CCDC28A: variants seen among roughly 807,000 people sequenced by gnomAD.
The protein encoded by CCDC28A is coiled-coil domain containing 28A, also known as coiled-coil domain-containing protein 28A.
CCDC28A carries 24 observed loss-of-function variants against 22.1 expected under a neutral mutation model. The observed-to-expected ratio is 1.09, with a 90% CI of 0.79 to 1.53. The LOEUF (loss-of-function observed/expected upper bound fraction) is 1.53, where lower values mean the gene tolerates loss of function less well. Ranked by LOEUF, CCDC28A falls within the 40% of genes most tolerant of loss-of-function variation. The pLI is 0.00. For synonymous variants in CCDC28A, 83 were observed against 74.7 expected (o/e 1.11, Z -0.57); for missense variants, 170 against 210.7 (o/e 0.81, Z 1.20).
rs756347761 is a variant in CCDC28A at position 138,776,192 on chromosome 6, C to CA, written c.80dup (p.Asn27LysfsTer7). 1.2e-5 allele frequency: 19 copies of CA among 1,611,590 alleles called. No individual in the cohort carries two copies. The highest frequency in any genetic ancestry group is 4.5e-5 in the East Asian group (2 of 44,834). ...CCCACTGTACTCAGGTTGTCAATGC[C>CA]AAAAAAAATGCCATTCCAGTGAGTA... On this transcript the variant is annotated frameshift_variant, in exon 2 of 6. Coordinates refer to ENST00000617445, the MANE Select transcript of CCDC28A (RefSeq NM_015439.3). LOFTEE classifies it high-confidence loss of function.
In CCDC28A at chr6:138,773,971, GC is replaced by G. The variant is rs1056908672; in HGVS notation, c.-43+70del. On this transcript the variant is annotated intron_variant, in intron 1 of 5. Coordinates refer to ENST00000617445, the MANE Select transcript of CCDC28A (RefSeq NM_015439.3). Reference sequence around the variant, plus strand: ...GGCCCTTCCCACCACTCTGGTCACTGCTGGGTACTGGGCGGTGAAGGGTCAT... The same window carrying G: ...GGCCCTTCCCACCACTCTGGTCACTGTGGGTACTGGGCGGTGAAGGGTCAT... 1.9e-6 allele frequency: 3 copies of G among 1,570,334 alleles called. No homozygotes were observed. The African/African-American group carries it at 4.0e-5, about 21-fold the overall frequency.
intron 5 of CCDC28A, among the ~76,000 whole-genome samples, chr6:138,790,307 C>T (rs997552381): frequency 1.3e-5 from 2 of 152,072 alleles, no homozygotes; most frequent in Admixed American, 6.6e-5. Flanking sequence ...CCTGTCACCA[C>T]GTCCAGCTAA....
At position 138,776,173 on chromosome 6, in the gene CCDC28A, G is replaced by C. The variant is rs1774929915; in HGVS notation, c.53G>C (p.Cys18Ser). Residue 18 changes from cysteine to serine, a missense_variant, in exon 2 of 6, where the codon TGT becomes TCT. By Grantham distance (112) the Cys-to-Ser change is moderately radical (BLOSUM62 -1). Transcript: ENST00000617445. Reference protein sequence around the residue: ...RRSPKSFSAHCTQVVNAKKNA... With the variant: ...RRSPKSFSAHSTQVVNAKKNA... ...AGTCCTAAGTCTTTTAGTGCCCACT[G>C]TACTCAGGTTGTCAATGCCAAAAAA... 1 of 1,613,794 alleles carries C rather than the reference G, an allele frequency of 6.2e-7. No homozygotes were observed. Among genetic ancestry groups the C allele is most frequent in the South Asian group, 1.1e-5 (1 of 91,082 alleles).
At chr6:138,779,318 A>G (rs556427064) in intron 2 of CCDC28A, among the ~76,000 whole-genome samples, 24 of 152,306 alleles carry the variant, frequency 1.6e-4, no homozygotes, top group Admixed American at 3.9e-4. Flanking sequence ...AGAGGAGTCA[A>G]GGATGATAAC....
Position 138,776,111 on chromosome 6 carries a change from AC to A in CCDC28A, c.-9del, listed in dbSNP as rs1198152416. 6.2e-7 allele frequency: 1 copy of A among 1,614,120 alleles called. No homozygotes were observed. Among genetic ancestry groups the A allele is most frequent in the African/African-American group, 1.3e-5 (1 of 75,032 alleles). ...GAAGCTGGCCGTGGTGCAATAAGGA[AC>A]TTAAAACAATGGAAGAGCGGAAAGT... is the stretch of plus-strand genomic sequence containing the variant. On this transcript the variant is annotated 5_prime_UTR_variant, in exon 2 of 6. Transcript: ENST00000617445.
Position 138,773,787 on chromosome 6 carries a change from G to A in CCDC28A, c.-158G>A. The stretch of plus-strand genomic sequence containing the variant: ...CACTTCCGTAAACAAACGGAGCTGC[G>A]GAGGAGCGGGTCCCGGGATGTGACC... On this transcript the variant is annotated 5_prime_UTR_variant, in exon 1 of 6. Transcript: ENST00000617445. 6.2e-7 allele frequency: 1 copy of A among 1,613,714 alleles called. No individual in the cohort carries two copies.
intron 5 of CCDC28A, among the ~76,000 whole-genome samples, chr6:138,789,731 A>C (rs1775143050): frequency 6.6e-6 from 1 of 152,184 alleles, no homozygotes; most frequent in South Asian, 2.1e-4. Flanking sequence ...AGGCTGAGGC[A>C]GGAGAATTGC....
In CCDC28A at chr6:138,792,730, T is replaced by C. The variant is rs774175651; in HGVS notation, c.501-19T>C. 9 of 1,388,568 alleles carry C rather than the reference T, an allele frequency of 6.5e-6. No individual in the cohort carries two copies. The African/African-American group carries it at 1.2e-4, about 19-fold the overall frequency. The allele number at this position is 1,388,568 out of a possible 1,614,324, so 86.0% of individuals were successfully genotyped here. A position where few individuals can be genotyped will look rare whatever the true frequency, so the allele number is the denominator to read the frequency against. ...AGTACCCCTTATAGAATGAAAATCT[T>C]CTTAACTGATTAATTCAGACAAAAA... On this transcript the variant is annotated intron_variant, in intron 5 of 5. Transcript: ENST00000617445.
At chr6:138,780,909 GC>G (rs1562439347) in intron 3 of CCDC28A, among the ~76,000 whole-genome samples, 1 of 152,072 alleles carries the variant, frequency 6.6e-6, no homozygotes, top group Non-Finnish European at 1.5e-5. Flanking sequence ...TCAATAATAT[GC>G]ATAATCTTTT....
chr6:138,780,242 C>A (rs1200807492), intron 3 of CCDC28A, among the ~76,000 whole-genome samples: 1 of 152,112 alleles, frequency 6.6e-6, no homozygotes, highest in Non-Finnish European at 1.5e-5. Flanking sequence ...AAGTATCTTG[C>A]AAGTTTAACA....
Position 138,773,807 on chromosome 6 carries a change from G to A in CCDC28A, c.-138G>A, listed in dbSNP as rs749153142. On this transcript the variant is annotated 5_prime_UTR_variant, in exon 1 of 6. The change creates a new upstream start codon in the 5' untranslated region. Transcript: ENST00000617445. Reference sequence around the variant, plus strand: ...GCTGCGGAGGAGCGGGTCCCGGGATGTGACCGGGGCTCTGCTTGTGGCTGC... The same window carrying A: ...GCTGCGGAGGAGCGGGTCCCGGGATATGACCGGGGCTCTGCTTGTGGCTGC... 6.8e-6 allele frequency: 11 copies of A among 1,613,964 alleles called. 1 individual carries two copies. Among genetic ancestry groups the A allele is most frequent in the Middle Eastern group, 3.3e-4 (2 of 6,082 alleles).
At chr6:138,792,663 T>A (rs1390723883) in intron 5 of CCDC28A, 86 bp from the exon 6 acceptor site, 13 of 843,906 alleles carry the variant, frequency 1.5e-5, no homozygotes, top group Non-Finnish European at 2.6e-5. Flanking sequence ...TAAATACCGC[T>A]TTCTCTTTGC....
At chr6:138,773,958 C>A in intron 1 of CCDC28A, 56 bp downstream of exon 1, 1 of 1,586,942 alleles carries the variant, frequency 6.3e-7, no homozygotes. Flanking sequence ...CCCTTCCCAC[C>A]ACTCTGGTCA....
rs886159490 is a variant in CCDC28A at position 138,774,003 on chromosome 6, C to G, written c.-43+101C>G. The G allele has an allele frequency of 1.8e-4, 247 of 1,399,248 alleles. 1 individual carries two copies. The Middle Eastern group carries it at 2.5e-3, about 14-fold the overall frequency. The allele number at this position is 1,399,248 out of a possible 1,614,324, so 86.7% of individuals were successfully genotyped here. A position where few individuals can be genotyped will look rare whatever the true frequency, so the allele number is the denominator to read the frequency against. ...ACTGGGCGGTGAAGGGTCATCGCTT[C>G]GGTAGATTGGGGAAGGGGAATGAGG... On this transcript the variant is annotated intron_variant, in intron 1 of 5. Coordinates refer to ENST00000617445, the MANE Select transcript of CCDC28A (RefSeq NM_015439.3).
Position 138,773,878 on chromosome 6 carries a change from G to A in CCDC28A, c.-67G>A, listed in dbSNP as rs1774880307. The A allele has an allele frequency of 6.2e-7, 1 of 1,613,792 alleles. No homozygotes were observed. The highest frequency in any genetic ancestry group is 1.7e-5 in the Admixed American group (1 of 60,020). Reference sequence around the variant, plus strand: ...TCGGGTCTTTGCGGGTTGCGGAAGGGGGCCCCAATACCCTTCTTCTTCAGG... The same window carrying A: ...TCGGGTCTTTGCGGGTTGCGGAAGGAGGCCCCAATACCCTTCTTCTTCAGG... On this transcript the variant is annotated 5_prime_UTR_variant, in exon 1 of 6. Transcript: ENST00000617445.
intron 3 of CCDC28A, 114 bp downstream of exon 3, chr6:138,780,099 C>A: frequency 1.4e-6 from 1 of 725,418 alleles, no homozygotes; most frequent in Non-Finnish European, 2.1e-6. Flanking sequence ...AAAAAAAGAG[C>A]CCACAGGCAT....
intron 1 of CCDC28A, among the ~76,000 whole-genome samples, chr6:138,774,244 G>A (rs1163627909): frequency 6.6e-6 from 1 of 152,148 alleles, no homozygotes; most frequent in Admixed American, 6.5e-5. Context: ...AGAATATTGT[G>A]GTTTAGACCA....
intron 3 of CCDC28A, among the ~76,000 whole-genome samples, chr6:138,783,435 ATTTTTTTT>A (rs564949933): frequency 8.4e-6 from 1 of 119,114 alleles, no homozygotes; most frequent in African/African-American, 3.3e-5. Context: ...CACCCAGCTA[ATTTTTTTT>A]TTTTTTTTTT....
chr6:138,786,527 T>C (rs1775095395), intron 4 of CCDC28A, among the ~76,000 whole-genome samples: 2 of 152,234 alleles, frequency 1.3e-5, no homozygotes, highest in African/African-American at 4.8e-5. Flanking sequence ...TGAGGGAACT[T>C]GTATGCCAAT....
Sources: allele counts gnomAD v4.1 joint callset (sites outside exome capture counted in the v4.1 genomes callset), GRCh38; gene constraint gnomAD v4.1.1; transcripts MANE v1.5; gene names NCBI Gene and HGNC (gene_info 2026-07-23, HGNC 2026-07-21).